Variants in AGMO observed in about 807,000 individuals in gnomAD.
AGMO encodes the protein glyceryl-ether monooxygenase.
A neutral mutation model predicts 60.2 loss-of-function variants in AGMO; 75 were observed. The ratio of observed to expected loss-of-function variants is 1.25; its 90% confidence interval spans 1.03 to 1.51. The LOEUF is 1.51. AGMO is among the 40% of genes most tolerant of loss of function. The probability of loss-of-function intolerance (pLI) is 0.00; values close to 1 mark genes in which losing one functional copy is unlikely to be tolerated. For missense variants in AGMO, 763 were observed against 525.5 expected, an observed-to-expected ratio of 1.45 and a Z score of -4.42; for synonymous variants, 261 against 177.1, an observed-to-expected ratio of 1.47 and a Z score of -3.76.
chr7:15,493,412 C>T (rs1448003433), intron 3 of AGMO, among the ~76,000 whole-genome samples: 3 of 126,238 alleles, frequency 2.4e-5, no homozygotes, highest in East Asian at 2.2e-4. Context: ...CTCGCTCTGT[C>T]GCCCAGGCTG....
At chr7:15,294,889 T>C (rs1443313288) in intron 12 of AGMO, among the ~76,000 whole-genome samples, 1 of 151,934 alleles carries the variant, frequency 6.6e-6, no homozygotes, top group Non-Finnish European at 1.5e-5. Context: ...CGAAAAGTGA[T>C]ACTTTAACAA....
the AGMO span, among the ~76,000 whole-genome samples, chr7:15,129,895 T>C: frequency 3.3e-5 from 5 of 152,102 alleles, no homozygotes; most frequent in African/African-American, 9.7e-5. Flanking sequence ...CAAAGGCACA[T>C]AGTGTGTATT....
intron 12 of AGMO, among the ~76,000 whole-genome samples, chr7:15,356,429 G>A (rs1295019182): frequency 2.0e-5 from 3 of 151,962 alleles, no homozygotes; most frequent in Non-Finnish European, 4.4e-5. Flanking sequence ...TATAGCATAG[G>A]AAACTATATA....
intron 12 of AGMO, among the ~76,000 whole-genome samples, chr7:15,295,089 G>A (rs1170136289): frequency 6.6e-6 from 1 of 151,548 alleles, no homozygotes; most frequent in Admixed American, 6.6e-5. Context: ...GCAAAAGAAA[G>A]GAGGAACAGT....
intron 2 of AGMO, among the ~76,000 whole-genome samples, chr7:15,550,926 C>T (rs1375850793): frequency 7.3e-6 from 1 of 137,134 alleles, no homozygotes; most frequent in Non-Finnish European, 1.6e-5. Context: ...CAATAAAATA[C>T]TGGCAAACCG....
At chr7:15,191,163 T>G in the AGMO span, among the ~76,000 whole-genome samples, 37 of 152,274 alleles carry the variant, frequency 2.4e-4, no homozygotes, top group African/African-American at 7.7e-4. Flanking sequence ...ATTTCTATTT[T>G]AAATAAATAG....
At chr7:15,372,634 GA>G (rs1174471643) in intron 10 of AGMO, among the ~76,000 whole-genome samples, 1 of 149,298 alleles carries the variant, frequency 6.7e-6, no homozygotes, top group Non-Finnish European at 1.5e-5. Context: ...TAGAGCAAAA[GA>G]AAAAAAAATA....
chr7:15,277,711 G>A (rs1440592691), intron 12 of AGMO, among the ~76,000 whole-genome samples: 1 of 152,162 alleles, frequency 6.6e-6, no homozygotes, highest in African/African-American at 2.4e-5. Flanking sequence ...ATAGCCAATT[G>A]CAGTAAAAGC....
At chr7:15,224,695 TTTGTA>T (rs1384556317) in intron 12 of AGMO, among the ~76,000 whole-genome samples, 1 of 152,014 alleles carries the variant, frequency 6.6e-6, no homozygotes, top group Admixed American at 6.6e-5. Context: ...TGAAAAATCT[TTTGTA>T]TTGTTTGAGC....
intron 9 of AGMO, among the ~76,000 whole-genome samples, chr7:15,385,861 T>A (rs1041616147): frequency 2.6e-5 from 4 of 152,114 alleles, no homozygotes; most frequent in Non-Finnish European, 5.9e-5. Flanking sequence ...CACGATCACA[T>A]CTGGCGGCAA....
chr7:15,238,785 C>T (rs1016758183), intron 12 of AGMO, among the ~76,000 whole-genome samples: 20 of 152,028 alleles, frequency 1.3e-4, no homozygotes, highest in African/African-American at 4.6e-4. Context: ...AAATAAAATG[C>T]ATCCCTTTTA....
At chr7:15,207,156 C>A (rs551264117) in intron 12 of AGMO, among the ~76,000 whole-genome samples, 7 of 152,284 alleles carry the variant, frequency 4.6e-5, no homozygotes, top group South Asian at 2.1e-4. Context: ...GATTAGAGAT[C>A]ATTTAGAGGT....
intron 12 of AGMO, among the ~76,000 whole-genome samples, chr7:15,285,155 C>T (rs948414786): frequency 2.0e-5 from 3 of 151,594 alleles, no homozygotes; most frequent in Admixed American, 6.6e-5. Flanking sequence ...AGCATTCCCC[C>T]GAGAACTAAA....
At chr7:15,544,505 A>G (rs1784720013) in intron 3 of AGMO, among the ~76,000 whole-genome samples, 1 of 152,236 alleles carries the variant, frequency 6.6e-6, no homozygotes, top group South Asian at 2.1e-4. Flanking sequence ...TAATAAAAAT[A>G]CAATGCTATA....
chr7:15,316,596 T>C (rs187719506), intron 12 of AGMO, among the ~76,000 whole-genome samples: 159 of 108,238 alleles, frequency 1.5e-3, no homozygotes, highest in Non-Finnish European at 2.3e-3. Context: ...GAGACTGCCT[T>C]TCCCAACAAA....
intron 12 of AGMO, among the ~76,000 whole-genome samples, chr7:15,348,405 A>G (rs1206818501): frequency 6.6e-6 from 1 of 152,108 alleles, no homozygotes; most frequent in African/African-American, 2.4e-5. Flanking sequence ...AGGAAAAAAG[A>G]AGCCAGAAAA....
At chr7:15,464,840 T>G (rs2128509865) in intron 3 of AGMO, among the ~76,000 whole-genome samples, 1 of 152,308 alleles carries the variant, frequency 6.6e-6, no homozygotes, top group South Asian at 2.1e-4. Flanking sequence ...TGGAACTTCT[T>G]AATCCCCAGG....
intron 10 of AGMO, among the ~76,000 whole-genome samples, chr7:15,385,135 C>G (rs1278338357): frequency 1.3e-5 from 2 of 152,102 alleles, no homozygotes; most frequent in Non-Finnish European, 2.9e-5. Flanking sequence ...ACATTTAATT[C>G]TGACTTCTGA....
intron 12 of AGMO, among the ~76,000 whole-genome samples, chr7:15,311,051 G>C (rs1780756363): frequency 6.6e-6 from 1 of 152,110 alleles, no homozygotes; most frequent in Admixed American, 6.5e-5. Flanking sequence ...CTCAAGGTCA[G>C]CTGATTTGCA....
Sources: gnomAD v4.1 joint callset for allele counts (sites outside exome capture counted in the v4.1 genomes callset) on GRCh38, gnomAD v4.1.1 for gene constraint, MANE v1.5 for transcripts, NCBI Gene and HGNC (gene_info 2026-07-23, HGNC 2026-07-21) for gene names.